Variants in GLB1L3 observed in about 807,000 individuals in gnomAD.
GLB1L3 encodes beta-galactosidase-1-like protein 3.
A neutral mutation model predicts 89.5 loss-of-function variants in GLB1L3; 89 were observed. The observed-to-expected ratio is 0.99, with a 90% CI of 0.84 to 1.19. The LOEUF (loss-of-function observed/expected upper bound fraction) is 1.19, where lower values mean the gene tolerates loss of function less well. Ranked by LOEUF, GLB1L3 falls within the 50% of genes most tolerant of loss-of-function variation. GLB1L3 has a pLI of 0.00. For missense variants in GLB1L3, 812 were observed against 813.3 expected, an observed-to-expected ratio of 1.00 and a Z score of 0.02; for synonymous variants, 314 against 312.3, an observed-to-expected ratio of 1.01 and a Z score of -0.06.
At chr11:134,308,646 C>CCAT (rs1942550891) in intron 10 of GLB1L3, among the ~76,000 whole-genome samples, 2 of 148,704 alleles carry the variant, frequency 1.3e-5, no homozygotes, top group African/African-American at 2.5e-5. Flanking sequence ...AACACCATCA[C>CCAT]CACCATCATC....
At chr11:134,300,441 T>C (rs1173049022) in intron 9 of GLB1L3, among the ~76,000 whole-genome samples, 2 of 151,614 alleles carry the variant, frequency 1.3e-5, no homozygotes, top group Non-Finnish European at 2.9e-5. Context: ...CACACCATTC[T>C]CCTGCCTCAG....
At chr11:134,302,099 G>A (rs553948765) in intron 9 of GLB1L3, among the ~76,000 whole-genome samples, 14 of 152,250 alleles carry the variant, frequency 9.2e-5, no homozygotes, top group South Asian at 4.2e-4. Flanking sequence ...CTCCTCTGAC[G>A]TGACCCCATC....
rs1312141734 is a variant in GLB1L3, at chr11:134,311,411, G to A, written c.1287+241G>A. On this transcript the variant is annotated intron_variant, in intron 13 of 19. Transcript: ENST00000431683. ...GAGGATCCCGGGTTCCCGCTTAGAT[G>A]AACCTGTCTGGAGATGCTCTTGTTT... The A allele has an allele frequency of 2.4e-5, 12 of 493,928 alleles. No individual in the cohort carries two copies. The Admixed American group carries it at 4.1e-4, about 17-fold the overall frequency. The allele number at this position is 493,928 out of a possible 1,614,324, so 30.6% of individuals were successfully genotyped here.
intron 7 of GLB1L3, among the ~76,000 whole-genome samples, chr11:134,291,457 G>A (rs1941353412): frequency 6.6e-6 from 1 of 152,076 alleles, no homozygotes; most frequent in African/African-American, 2.4e-5. Flanking sequence ...TGTTGGCCAA[G>A]CTGGTCTCAA....
chr11:134,310,434 TCA>T, intron 11 of GLB1L3, 135 bp from the exon 12 acceptor site: 1 of 642,460 alleles, frequency 1.6e-6, no homozygotes, highest in Non-Finnish European at 2.8e-6. Flanking sequence ...TAGACTGGCA[TCA>T]CACACCCACG....
intron 9 of GLB1L3, among the ~76,000 whole-genome samples, chr11:134,300,601 T>TG (rs886875100): frequency 1.3e-5 from 2 of 152,176 alleles, no homozygotes; most frequent in Non-Finnish European, 2.9e-5. Flanking sequence ...CCCAAAGTGC[T>TG]GGGATTACAG....
At chr11:134,320,717 A>G (rs1432405297), downstream of GLB1L3, among the ~76,000 whole-genome samples, 3 of 149,536 alleles carry the variant, frequency 2.0e-5, no homozygotes, top group African/African-American at 7.5e-5. Context: ...TTTACCCAGC[A>G]AAACTATTTT....
At chr11:134,321,166 C>G (rs1943162762), downstream of GLB1L3, among the ~76,000 whole-genome samples, 1 of 152,108 alleles carries the variant, frequency 6.6e-6, no homozygotes, top group African/African-American at 2.4e-5. Flanking sequence ...AACTCTAAGA[C>G]CAGGCAAAAA....
Position 134,305,566 on chromosome 11 carries a change from A to C in GLB1L3, c.877-1558A>C, listed in dbSNP as rs760369394. On this transcript the variant is annotated intron_variant, in intron 9 of 19. Coordinates refer to ENST00000431683, the MANE Select transcript of GLB1L3 (RefSeq NM_001080407.3). ...AGGAGAATGTCAAGCCCACAGTACA[A>C]TTTTAACACCAGAAGTCAGTCTTTC... Among the ~76,000 whole-genome samples the C allele has an allele frequency of 4.8e-4, 73 of 152,194 alleles. 2 individuals carry two copies. Among genetic ancestry groups the C allele is most frequent in the Non-Finnish European group, 4.4e-5 (3 of 68,034 alleles).
In GLB1L3 at chr11:134,307,129, T is replaced by A; in HGVS notation, c.882T>A (p.Asp294Glu). ...TFNQLHKVQRDKPLLIMEYWV... is the reference protein window; with the variant it reads ...TFNQLHKVQREKPLLIMEYWV... The stretch of plus-strand genomic sequence containing the variant: ...TTGCTTTGGTTTGTTTTTAGAGAGA[T>A]AAGCCCCTTCTGATTATGGAATACT... The change falls in exon 10 of 20, where the codon GAT becomes GAA. Residue 294 changes from aspartate to glutamate, a missense_variant. Around this residue, in one of 3 missense-constraint regions of GLB1L3, gnomAD observed 618 missense variants for 604.0 expected, o/e 1.02. Transcript: ENST00000431683. 3 of 1,613,100 alleles carry A rather than the reference T, an allele frequency of 1.9e-6. No individual in the cohort carries two copies. The highest frequency in any genetic ancestry group is 1.6e-4 in the Middle Eastern group (1 of 6,062).
chr11:134,289,664 T>C (rs1456801780), intron 7 of GLB1L3, among the ~76,000 whole-genome samples: 1 of 152,220 alleles, frequency 6.6e-6, no homozygotes, highest in Non-Finnish European at 1.5e-5. Context: ...CTGTAAATAA[T>C]GCTTCAAGAA....
chr11:134,315,581 T>C (rs1942944146), intron 18 of GLB1L3, among the ~76,000 whole-genome samples: 1 of 152,208 alleles, frequency 6.6e-6, no homozygotes, highest in South Asian at 2.1e-4. Context: ...TTCATCTAAA[T>C]TTTCAAATAT....
chr11:134,293,235 T>C (rs1359918312), intron 9 of GLB1L3, 26 bp downstream of exon 9: 1 of 1,581,300 alleles, frequency 6.3e-7, no homozygotes, highest in Non-Finnish European at 8.7e-7. Context: ...CAGGCAGGGT[T>C]TTACAGCTCC....
chr11:134,307,255 C>T (rs1172409697), intron 10 of GLB1L3, 47 bp downstream of exon 10: 3 of 1,322,156 alleles, frequency 2.3e-6, no homozygotes, highest in Non-Finnish European at 3.2e-6. Context: ...GGCCCCAGGT[C>T]CCATGAGAAC....
chr11:134,313,861 T>G (rs1175916365), intron 16 of GLB1L3, 80 bp from the exon 17 acceptor site: 9 of 887,308 alleles, frequency 1.0e-5, no homozygotes, highest in Non-Finnish European at 1.1e-5. Flanking sequence ...TGTACAAGTC[T>G]GCATTGCTTT....
At chr11:134,281,125 G>T (rs892229800) in intron 3 of GLB1L3, among the ~76,000 whole-genome samples, 2 of 152,158 alleles carry the variant, frequency 1.3e-5, no homozygotes, top group African/African-American at 2.4e-5. Flanking sequence ...GTGAGTGGAA[G>T]AATTTATATA....
chr11:134,312,530 C>G (rs1178760133), intron 14 of GLB1L3, 41 bp downstream of exon 14: 5 of 1,602,054 alleles, frequency 3.1e-6, no homozygotes, highest in Non-Finnish European at 4.2e-6. Context: ...CAAAGTGCAT[C>G]ACCTCCCCAT....
intron 9 of GLB1L3, among the ~76,000 whole-genome samples, chr11:134,300,593 C>G (rs998329282): frequency 2.0e-5 from 3 of 152,118 alleles, no homozygotes; most frequent in African/African-American, 7.2e-5. Context: ...CTCAGCCTCC[C>G]AAAGTGCTGG....
At chr11:134,318,154 C>T (rs1278710911) in intron 18 of GLB1L3, among the ~76,000 whole-genome samples, 3 of 152,132 alleles carry the variant, frequency 2.0e-5, no homozygotes, top group Non-Finnish European at 4.4e-5. Flanking sequence ...ATGTGCTAGA[C>T]TGTTTTGTTA....
Sources: gnomAD v4.1 joint callset for allele counts (sites outside exome capture counted in the v4.1 genomes callset) on GRCh38, gnomAD v4.1.1 for gene constraint, gnomAD v4.1.1 regional missense constraint, MANE v1.5 for transcripts, NCBI Gene and HGNC (gene_info 2026-07-23, HGNC 2026-07-21) for gene names.